Variants in CAMK2G observed in about 807,000 individuals in gnomAD.
The protein encoded by CAMK2G is calcium/calmodulin-dependent protein kinase type II subunit gamma.
Under a neutral mutation model 88.7 loss-of-function variants are expected in CAMK2G, and 23 were observed. The ratio of observed to expected loss-of-function variants is 0.26; its 90% CI spans 0.19 to 0.37. The LOEUF (loss-of-function observed/expected upper bound fraction) is 0.37, where lower values mean the gene tolerates loss of function less well. CAMK2G is among the 10% of genes least tolerant of loss of function. CAMK2G has a pLI of 1.00. For synonymous variants in CAMK2G, 263 were observed against 294.8 expected, an observed-to-expected ratio of 0.89 and a Z score of 1.11; for missense variants, 476 against 780.8, an observed-to-expected ratio of 0.61 and a Z score of 4.65.
intron 2 of CAMK2G, among the ~76,000 whole-genome samples, chr10:73,863,759 T>C (rs754940193): frequency 9.9e-5 from 15 of 152,206 alleles, no homozygotes; most frequent in Non-Finnish European, 2.1e-4. Context: ...GGAGAGAAGA[T>C]ACACAGACTC....
rs377384072 is a variant in CAMK2G at position 73,852,339 on chromosome 10, G to A, written c.276-20C>T. On this transcript the variant is annotated intron_variant, in intron 4 of 22. Transcript: ENST00000423381. The stretch of plus-strand genomic sequence containing the variant: ...GTAACACTGCAACCAACGGGAAGAA[G>A]AGGGTCAGAGGCAGAAAGGGTCCTT... The A allele has an allele frequency of 2.9e-5, 47 of 1,609,934 alleles. No homozygotes were observed. In the African/African-American group the frequency reaches 6.1e-4, roughly 21 times the overall value.
chr10:73,863,482 C>T (rs1400412136), intron 2 of CAMK2G, among the ~76,000 whole-genome samples: 2 of 152,314 alleles, frequency 1.3e-5, no homozygotes. Flanking sequence ...GATGGAGGTA[C>T]CAAGCCAGCC....
In CAMK2G at chr10:73,817,127, G is replaced by GAAAA. The variant is rs751571445; in HGVS notation, c.1440-14_1440-11dup. 2.1e-6 allele frequency: 3 copies of GAAAA among 1,413,176 alleles called. No individual in the cohort carries two copies. The highest frequency in any genetic ancestry group is 2.2e-5 in the Admixed American group (1 of 46,366). The allele number at this position is 1,413,176 out of a possible 1,614,324, so 87.5% of individuals were successfully genotyped here. The stretch of plus-strand genomic sequence containing the variant: ...TGGATCACAAATCTTCCTACAGGGA[G>GAAAA]AAAAAAAAAAGCAGCCTATCAGGCT... On this transcript the variant is annotated splice_polypyrimidine_tract_variant and intron_variant, in intron 20 of 22. Transcript: ENST00000423381.
In CAMK2G at chr10:73,821,668, G is replaced by A; in HGVS notation, c.1249+14C>T. 1 of 1,606,604 alleles carries A rather than the reference G, an allele frequency of 6.2e-7. No individual in the cohort carries two copies. Among genetic ancestry groups the A allele is most frequent in the Non-Finnish European group, 8.5e-7 (1 of 1,175,734 alleles). On this transcript the variant is annotated intron_variant, in intron 18 of 22. Coordinates refer to ENST00000423381, the MANE Select transcript of CAMK2G (RefSeq NM_001367534.1). ...ACTGCTGGAGTCCTTCCCCCTCCAA[G>A]GGCCAGCACCTACCTTTGAGGTCCT...
chr10:73,864,131 C>A (rs1016761489), intron 2 of CAMK2G, among the ~76,000 whole-genome samples: 2 of 152,118 alleles, frequency 1.3e-5, no homozygotes, highest in African/African-American at 2.4e-5. Flanking sequence ...GGGTGGATCA[C>A]TTGAGGTCAG....
chr10:73,831,885 A>G (rs1169584950), intron 14 of CAMK2G, among the ~76,000 whole-genome samples: 2 of 152,126 alleles, frequency 1.3e-5, no homozygotes, highest in African/African-American at 2.4e-5. Flanking sequence ...AGATATCATT[A>G]TAAGATATAA....
chr10:73,828,166 G>T, intron 14 of CAMK2G, 45 bp from the exon 15 acceptor site: 1 of 1,547,244 alleles, frequency 6.5e-7, no homozygotes, highest in Non-Finnish European at 8.9e-7. Context: ...GAAAGAGGAG[G>T]TAAGAAGAGA....
At chr10:73,849,180 G>T in intron 6 of CAMK2G, 65 bp from the exon 7 acceptor site, 1 of 1,567,096 alleles carries the variant, frequency 6.4e-7, no homozygotes, top group Non-Finnish European at 8.8e-7. Flanking sequence ...GCCTAGTTTG[G>T]GCCTACGCAG....
intron 19 of CAMK2G, 81 bp from the exon 20 acceptor site, chr10:73,817,635 C>T: frequency 2.2e-6 from 2 of 891,028 alleles, no homozygotes. Context: ...CCTCAGGAGT[C>T]CCCTGTGATC....
intron 21 of CAMK2G, chr10:73,816,771 G>A (rs768303703): frequency 8.2e-6 from 12 of 1,465,606 alleles, no homozygotes; most frequent in Non-Finnish European, 1.1e-5. Flanking sequence ...AAATAAGTGA[G>A]CTTGATTGTG....
intron 19 of CAMK2G, chr10:73,818,535 G>T: frequency 2.7e-6 from 1 of 369,140 alleles, no homozygotes; most frequent in Non-Finnish European, 5.4e-6. Context: ...CAAGACAACT[G>T]CAAGCGTTAG....
intron 17 of CAMK2G, among the ~76,000 whole-genome samples, chr10:73,823,761 C>T (rs1205198471): frequency 1.3e-5 from 2 of 152,220 alleles, no homozygotes; most frequent in Non-Finnish European, 2.9e-5. Flanking sequence ...AAACTTCCGA[C>T]ATATGGAGGA....
In CAMK2G at chr10:73,842,001, G is replaced by A. The variant is rs529550833; in HGVS notation, c.946+168C>T. 3.0e-6 allele frequency: 2 copies of A among 669,370 alleles called. No individual in the cohort carries two copies. Among genetic ancestry groups the A allele is most frequent in the African/African-American group, 3.6e-5 (2 of 56,140 alleles). The allele number at this position is 669,370 out of a possible 1,614,324, so 41.5% of individuals were successfully genotyped here. A position where few individuals can be genotyped will look rare whatever the true frequency, so the allele number is the denominator to read the frequency against. On this transcript the variant is annotated intron_variant, in intron 12 of 22. Transcript: ENST00000423381. The surrounding 1 kb of genome is among the most constrained non-coding windows in gnomAD (Gnocchi z 4.6). ...GTGAGTCCAGCCCCCTGAATCTCAGGAGCAGGACTCAGCAGCAGCAGCAGC... is the reference window on the plus strand; with the variant it reads ...GTGAGTCCAGCCCCCTGAATCTCAGAAGCAGGACTCAGCAGCAGCAGCAGC...
Position 73,874,458 on chromosome 10 carries a change from C to A in CAMK2G, c.4G>T (p.Ala2Ser). M[A>S]TTATCTRFTD... ...AAACGGGTGCAGGTGGCGGTGGTGG[C>A]CATGCTGGCGGGCGGGCGGACGCGG... The change falls in exon 1 of 23, where the codon GCC becomes TCC. Residue 2 changes from alanine (A) to serine (S), a missense_variant. Physicochemically the swap from Ala to Ser is moderately conservative, Grantham distance 99. Transcript: ENST00000423381. The A allele has an allele frequency of 6.6e-7, 1 of 1,505,632 alleles. No individual in the cohort carries two copies. The highest frequency in any genetic ancestry group is 9.0e-7 in the Non-Finnish European group (1 of 1,116,946). The allele number at this position is 1,505,632 out of a possible 1,614,324, so 93.3% of individuals were successfully genotyped here.
chr10:73,838,500 A>G (rs969176743), intron 13 of CAMK2G, among the ~76,000 whole-genome samples: 1 of 152,184 alleles, frequency 6.6e-6, no homozygotes, highest in Non-Finnish European at 1.5e-5. Context: ...AAGCACTTAG[A>G]GTGCCTGGCA....
chr10:73,819,087 G>C (rs2086808437), intron 19 of CAMK2G, among the ~76,000 whole-genome samples: 1 of 152,168 alleles, frequency 6.6e-6, no homozygotes, highest in Non-Finnish European at 1.5e-5. Context: ...TTTAAACTCA[G>C]ATCTATCTTG....
chr10:73,843,071 T>C (rs1308186592), intron 10 of CAMK2G, among the ~76,000 whole-genome samples: 1 of 138,938 alleles, frequency 7.2e-6, no homozygotes, highest in African/African-American at 2.8e-5. Flanking sequence ...TCATTCTGGA[T>C]GTAATTTTTT....
intron 2 of CAMK2G, among the ~76,000 whole-genome samples, chr10:73,862,795 G>A (rs550353311): frequency 2.0e-4 from 30 of 152,166 alleles, no homozygotes; most frequent in Non-Finnish European, 3.8e-4. Flanking sequence ...ATCCAGGCCC[G>A]GGCAGGGGCC....
At position 73,869,581 on chromosome 10, in the gene CAMK2G, T is replaced by C. The variant is rs530633973; in HGVS notation, c.160+3408A>G. On this transcript the variant is annotated intron_variant, in intron 2 of 22. Coordinates refer to ENST00000423381, the MANE Select transcript of CAMK2G (RefSeq NM_001367534.1). ...CAAAAGGCAACCATGATTGGTTACA[T>C]AGTCCTCTTGACCCATTCATTTAAT... Among the ~76,000 whole-genome samples, 23 of 152,352 alleles carry C rather than the reference T, an allele frequency of 1.5e-4. No homozygotes were observed. In the East Asian group the frequency reaches 2.5e-3, roughly 17 times the overall value.
Sources: gnomAD v4.1 joint callset for allele counts (sites outside exome capture counted in the v4.1 genomes callset) on GRCh38, gnomAD v4.1.1 for gene constraint, Gnocchi (gnomAD v3.1) non-coding constraint, MANE v1.5 for transcripts, NCBI Gene and HGNC (gene_info 2026-07-23, HGNC 2026-07-21) for gene names.